ARMC9: variants seen among roughly 807,000 people sequenced by gnomAD.
ARMC9 encodes lisH domain-containing protein ARMC9.
A neutral mutation model predicts 107.0 loss-of-function variants in ARMC9; 94 were observed. The observed-to-expected ratio is 0.88, with a 90% CI of 0.74 to 1.04. The LOEUF (loss-of-function observed/expected upper bound fraction) is 1.04, where lower values mean the gene tolerates loss of function less well. ARMC9 is among the 50% of genes least tolerant of loss of function. The pLI, the probability that ARMC9 is intolerant of heterozygous loss-of-function variation, is 0.00. For synonymous variants in ARMC9, 380 were observed against 396.9 expected (o/e 0.96, Z 0.51); for missense variants, 942 against 1,030.1 (o/e 0.91, Z 1.17).
chr2:231,211,457 G>C lies in ARMC9; in HGVS notation c.177+3205G>C, dbSNP rs555918114. On this transcript the variant is annotated intron_variant, in intron 3 of 24. Transcript: ENST00000611582. Reference sequence around the variant, plus strand: ...TGAGGCAGGAGAATCACTTGAACCTGGGAGGCAGAGGTTGCAGTGAGCCAA... The same window carrying C: ...TGAGGCAGGAGAATCACTTGAACCTCGGAGGCAGAGGTTGCAGTGAGCCAA... 2.4e-4 allele frequency among the ~76,000 whole-genome samples: 37 copies of C among 152,068 alleles called. 1 individual carries two copies. The highest frequency in any genetic ancestry group is 2.1e-3 in the Admixed American group (32 of 15,242).
rs796446759 is a variant in ARMC9 at position 231,347,460 on chromosome 2, G to A, written c.1994+2370G>A. 6.6e-5 allele frequency among the ~76,000 whole-genome samples: 10 copies of A among 151,918 alleles called. 1 individual carries two copies. The highest frequency in any genetic ancestry group is 2.4e-4 in the African/African-American group (10 of 41,384). On this transcript the variant is annotated intron_variant, in intron 21 of 24. Transcript: ENST00000611582. ...TGGGCACTCTCCCCAGCTACACTGG[G>A]TACTCCAGACGGGCTACACGATGCT...
intron 3 of ARMC9, among the ~76,000 whole-genome samples, chr2:231,213,704 T>A (rs2033174081): frequency 6.6e-6 from 1 of 152,086 alleles, no homozygotes; most frequent in Non-Finnish European, 1.5e-5. Context: ...CTCGAACTCC[T>A]GACCTTGTGA....
At chr2:231,293,041 C>G (rs1052073380) in intron 18 of ARMC9, among the ~76,000 whole-genome samples, 5 of 152,128 alleles carry the variant, frequency 3.3e-5, no homozygotes, top group Admixed American at 1.3e-4. Context: ...CAAGGGGCTC[C>G]CGATCAAAAG....
chr2:231,230,979 T>C (rs978573552), intron 7 of ARMC9, among the ~76,000 whole-genome samples: 2 of 152,246 alleles, frequency 1.3e-5, no homozygotes, highest in African/African-American at 4.8e-5. Flanking sequence ...CTTCTCTCTT[T>C]CCAATAGGCT....
intron 19 of ARMC9, among the ~76,000 whole-genome samples, chr2:231,314,863 C>A (rs1379356684): frequency 2.6e-5 from 4 of 152,218 alleles, no homozygotes; most frequent in African/African-American, 9.6e-5. Context: ...AATTCACCCT[C>A]CTGCATATGA....
At chr2:231,291,831 C>A (rs1333783671) in intron 18 of ARMC9, among the ~76,000 whole-genome samples, 5 of 146,438 alleles carry the variant, frequency 3.4e-5, no homozygotes, top group Admixed American at 2.7e-4. Flanking sequence ...AAAAAAGAGG[C>A]CTTTAGGAAG....
intron 9 of ARMC9, among the ~76,000 whole-genome samples, chr2:231,251,594 G>A (rs952923549): frequency 6.6e-6 from 1 of 152,244 alleles, no homozygotes; most frequent in Non-Finnish European, 1.5e-5. Context: ...ATTGGATTGT[G>A]AGTGCTCTGA....
At chr2:231,220,545 C>T (rs999269982) in intron 5 of ARMC9, among the ~76,000 whole-genome samples, 5 of 145,016 alleles carry the variant, frequency 3.4e-5, no homozygotes, top group Admixed American at 7.3e-5. Flanking sequence ...TGGAGCAAGT[C>T]GAGATCACAC....
intron 19 of ARMC9, among the ~76,000 whole-genome samples, chr2:231,326,624 AGAGGCGG>A (rs562456702): frequency 1.3e-5 from 2 of 152,262 alleles, no homozygotes; most frequent in Admixed American, 6.5e-5. Flanking sequence ...GAGAGAGTGG[AGAGGCGG>A]GGTAGCTTCC....
At chr2:231,313,649 C>G (rs903267643) in intron 19 of ARMC9, among the ~76,000 whole-genome samples, 2 of 152,152 alleles carry the variant, frequency 1.3e-5, no homozygotes, top group African/African-American at 2.4e-5. Context: ...TGCCTGGGTC[C>G]CCCACCCCCA....
At chr2:231,263,636 G>A (rs1199234734) in intron 12 of ARMC9, among the ~76,000 whole-genome samples, 1 of 152,184 alleles carries the variant, frequency 6.6e-6, no homozygotes, top group African/African-American at 2.4e-5. Context: ...ACAGACCGTG[G>A]GAAAGTGAGT....
At chr2:231,324,181 G>A (rs770231560) in intron 19 of ARMC9, among the ~76,000 whole-genome samples, 3 of 129,794 alleles carry the variant, frequency 2.3e-5, no homozygotes, top group Non-Finnish European at 4.6e-5. Context: ...AGGCTGGAGT[G>A]CAGTGGTGCA....
In ARMC9 at chr2:231,262,315, A is replaced by G; in HGVS notation, c.1036A>G (p.Thr346Ala). The G allele has an allele frequency of 6.2e-7, 1 of 1,614,156 alleles. No homozygotes were observed. Among genetic ancestry groups the G allele is most frequent in the Admixed American group, 1.7e-5 (1 of 60,024 alleles). Residue 346 changes from threonine (T) to alanine (A), a missense_variant, in exon 12 of 25, where the codon ACA (threonine) becomes GCA (alanine). By Grantham distance (58) the Thr-to-Ala change is moderately conservative (BLOSUM62 0). Coordinates refer to ENST00000611582, the MANE Select transcript of ARMC9 (RefSeq NM_001352754.2). ...TTTTTCTTTGCTCCAGCGCTTGACCACATCCCATCCTGGAGAGCAGAGGGA... is the reference window on the plus strand; with the variant it reads ...TTTTTCTTTGCTCCAGCGCTTGACCGCATCCCATCCTGGAGAGCAGAGGGA... Reference protein sequence around the residue: ...LLQALRWRLTTSHPGEQRETV... With the variant: ...LLQALRWRLTASHPGEQRETV...
chr2:231,235,365 C>T lies in ARMC9; in HGVS notation c.764C>T (p.Thr255Ile). The T allele has an allele frequency of 6.2e-7, 1 of 1,614,014 alleles. No individual in the cohort carries two copies. Among genetic ancestry groups the T allele is most frequent in the Non-Finnish European group, 8.5e-7 (1 of 1,179,982 alleles). ...TAELVDSLEA[T>I]VSGKMITPEY... ...GAGCTGGTGGATTCTCTAGAGGCCA[C>T]AGTCAGCGGCAAGATGGTAAGGAAG... The change falls in exon 8 of 25, where the codon ACA becomes ATA. Residue 255 changes from threonine (T) to isoleucine (I), a missense_variant. Thr to Ile is a moderately conservative substitution (Grantham distance 89). Coordinates refer to ENST00000611582, the MANE Select transcript of ARMC9 (RefSeq NM_001352754.2).
intron 11 of ARMC9, among the ~76,000 whole-genome samples, chr2:231,259,623 C>A (rs991607971): frequency 4.6e-5 from 7 of 152,166 alleles, no homozygotes; most frequent in African/African-American, 1.4e-4. Flanking sequence ...CCACTCTCAA[C>A]AATGACTGAG....
chr2:231,340,418 A>G (rs1328116324), intron 20 of ARMC9, among the ~76,000 whole-genome samples: 1 of 152,212 alleles, frequency 6.6e-6, no homozygotes, highest in African/African-American at 2.4e-5. Flanking sequence ...GGAATGGCAT[A>G]TTCTGCCACC....
chr2:231,248,238 G>A (rs1210885255), intron 9 of ARMC9, among the ~76,000 whole-genome samples: 3 of 152,178 alleles, frequency 2.0e-5, no homozygotes, highest in Admixed American at 2.0e-4. Context: ...CCACATTGCT[G>A]TTGTTTTTGT....
chr2:231,202,508 G>C (rs1024452954), intron 1 of ARMC9, among the ~76,000 whole-genome samples: 1 of 151,700 alleles, frequency 6.6e-6, no homozygotes, highest in Non-Finnish European at 1.5e-5. Context: ...TTTCTGTAGA[G>C]ATGAGGTTTC....
intron 19 of ARMC9, among the ~76,000 whole-genome samples, chr2:231,303,789 T>C (rs2125498727): frequency 6.6e-6 from 1 of 152,094 alleles, no homozygotes; most frequent in African/African-American, 2.4e-5. Flanking sequence ...ATACAAAAAT[T>C]AGCCGGGTGT....
Sources: allele counts gnomAD v4.1 joint callset (sites outside exome capture counted in the v4.1 genomes callset), GRCh38; gene constraint gnomAD v4.1.1; transcripts MANE v1.5; gene names NCBI Gene and HGNC (gene_info 2026-07-23, HGNC 2026-07-21).